DNAJC5B: variants seen among roughly 807,000 people sequenced by gnomAD.
DNAJC5B encodes dnaJ homolog subfamily C member 5B.
DNAJC5B carries 23 observed loss-of-function variants against 24.7 expected under a neutral mutation model. The ratio of observed to expected loss-of-function variants is 0.93; its 90% CI spans 0.67 to 1.32. DNAJC5B has a LOEUF of 1.32. DNAJC5B is among the 40% of genes most tolerant of loss of function. The pLI, the probability that DNAJC5B is intolerant of heterozygous loss-of-function variation, is 0.00. For missense variants in DNAJC5B, 238 were observed against 240.8 expected (o/e 0.99, Z 0.08); for synonymous variants, 101 against 90.1 (o/e 1.12, Z -0.68).
intron 1 of DNAJC5B, among the ~76,000 whole-genome samples, chr8:66,032,357 G>A (rs1806377741): frequency 6.6e-6 from 1 of 152,268 alleles, no homozygotes; most frequent in Non-Finnish European, 1.5e-5. Flanking sequence ...GCCTGGAGAA[G>A]GCTCCCCTTT....
chr8:66,031,470 C>A (rs1472691447), intron 1 of DNAJC5B, among the ~76,000 whole-genome samples: 2 of 152,014 alleles, frequency 1.3e-5, no homozygotes, highest in African/African-American at 4.8e-5. Flanking sequence ...TTTTAAGCAC[C>A]TACTGTATTA....
intron 3 of DNAJC5B, among the ~76,000 whole-genome samples, chr8:66,052,067 C>T (rs184790762): frequency 1.1e-4 from 17 of 151,706 alleles, no homozygotes; most frequent in African/African-American, 3.6e-4. Flanking sequence ...CAGATTCAAG[C>T]GATTCTCTGC....
At chr8:66,027,374 GA>G (rs1806268614) in intron 1 of DNAJC5B, among the ~76,000 whole-genome samples, 1 of 152,162 alleles carries the variant, frequency 6.6e-6, no homozygotes, top group Non-Finnish European at 1.5e-5. Flanking sequence ...TCTGCCTGGG[GA>G]AAATGTTACG....
intron 2 of DNAJC5B, among the ~76,000 whole-genome samples, chr8:66,048,615 T>G (rs567756620): frequency 7.9e-5 from 12 of 152,034 alleles, no homozygotes; most frequent in Non-Finnish European, 1.6e-4. Flanking sequence ...AATCAAAATT[T>G]CCTCCCTCGT....
rs540102698 is a variant in DNAJC5B at position 66,037,495 on chromosome 8, A to G, written c.-141-5993A>G. On this transcript the variant is annotated intron_variant, in intron 1 of 5. Transcript: ENST00000276570. ...AGCAGAGGGAGATGCTACCAGCACC[A>G]TCTCCTGTCTAATCGTGAGTGTCTG... Among the ~76,000 whole-genome samples the G allele has an allele frequency of 2.0e-5, 3 of 152,196 alleles. No individual in the cohort carries two copies. In the East Asian group the frequency reaches 5.8e-4, roughly 29 times the overall value.
chr8:66,092,590 A>T (rs1396481024), intron 5 of DNAJC5B, among the ~76,000 whole-genome samples: 4 of 152,164 alleles, frequency 2.6e-5, no homozygotes, highest in Non-Finnish European at 5.9e-5. Flanking sequence ...AAAGAATGTT[A>T]CCATCACCTT....
Position 66,045,676 on chromosome 8 carries a change from C to T in DNAJC5B, c.-18+2065C>T, listed in dbSNP as rs549565905. On this transcript the variant is annotated intron_variant, in intron 2 of 5. Transcript: ENST00000276570. ...ACTGTTCTCTGGAAGGGGCTGGGAG[C>T]AGCCCCTGCCTGAGCCCATTTCTCT... Among the ~76,000 whole-genome samples the T allele has an allele frequency of 6.6e-5, 10 of 152,182 alleles. No homozygotes were observed. The East Asian group carries it at 1.9e-3, about 29-fold the overall frequency.
At chr8:66,044,399 C>G (rs1806681235) in intron 2 of DNAJC5B, among the ~76,000 whole-genome samples, 1 of 152,172 alleles carries the variant, frequency 6.6e-6, no homozygotes. Flanking sequence ...TGAAGGGACC[C>G]TGCCAAGAAA....
At chr8:66,061,519 A>G (rs1346055046) in intron 3 of DNAJC5B, among the ~76,000 whole-genome samples, 1 of 151,908 alleles carries the variant, frequency 6.6e-6, no homozygotes, top group Non-Finnish European at 1.5e-5. Context: ...GCAGTTTCCA[A>G]ACTCAGCTAG....
chr8:66,053,968 T>C (rs1296214179), intron 3 of DNAJC5B, among the ~76,000 whole-genome samples: 1 of 150,830 alleles, frequency 6.6e-6, no homozygotes, highest in Non-Finnish European at 1.5e-5. Context: ...GGTCTTATCA[T>C]GAAAATATCT....
At chr8:66,039,725 T>A (rs930856746) in intron 1 of DNAJC5B, among the ~76,000 whole-genome samples, 3 of 152,176 alleles carry the variant, frequency 2.0e-5, no homozygotes, top group Admixed American at 6.5e-5. Context: ...ATCATCATCA[T>A]CACTGCCTCT....
At chr8:66,031,590 A>G (rs762106638) in intron 1 of DNAJC5B, among the ~76,000 whole-genome samples, 16 of 152,196 alleles carry the variant, frequency 1.1e-4, no homozygotes, top group Non-Finnish European at 1.9e-4. Flanking sequence ...CCATGTGGGT[A>G]TGGAGGCTGA....
chr8:66,023,006 TA>T (rs1318370284), intron 1 of DNAJC5B, among the ~76,000 whole-genome samples: 15 of 152,356 alleles, frequency 9.8e-5, no homozygotes, highest in Non-Finnish European at 1.9e-4. Flanking sequence ...TTGTTGACTG[TA>T]ACGTTCCCTG....
chr8:66,048,828 C>T (rs35451608), intron 2 of DNAJC5B, among the ~76,000 whole-genome samples: 2,231 of 152,276 alleles, frequency 0.015, 19 homozygotes, highest in Middle Eastern at 0.024. Context: ...TTCTGCGAGG[C>T]CATCCCCTCC....
chr8:66,082,945 C>T (rs1431762647), intron 5 of DNAJC5B, among the ~76,000 whole-genome samples: 1 of 151,624 alleles, frequency 6.6e-6, no homozygotes, highest in Non-Finnish European at 1.5e-5. Context: ...GCTGCACATC[C>T]ATTGATTGCT....
chr8:66,037,504 C>G (rs1305572430), intron 1 of DNAJC5B, among the ~76,000 whole-genome samples: 1 of 152,134 alleles, frequency 6.6e-6, no homozygotes, highest in Non-Finnish European at 1.5e-5. Context: ...CATCTCCTGT[C>G]TAATCGTGAG....
At chr8:66,047,144 G>A (rs1359085966) in intron 2 of DNAJC5B, among the ~76,000 whole-genome samples, 1 of 152,222 alleles carries the variant, frequency 6.6e-6, no homozygotes, top group African/African-American at 2.4e-5. Flanking sequence ...ACCAAAAGGA[G>A]ACTTGACAGC....
chr8:66,023,192 C>A (rs1324921912), intron 1 of DNAJC5B, among the ~76,000 whole-genome samples: 1 of 152,140 alleles, frequency 6.6e-6, no homozygotes, highest in Admixed American at 6.5e-5. Context: ...AGTTTAAGCC[C>A]CCTCACTCTT....
At chr8:66,042,931 G>T (rs908405664) in intron 1 of DNAJC5B, among the ~76,000 whole-genome samples, 17 of 151,992 alleles carry the variant, frequency 1.1e-4, no homozygotes, top group African/African-American at 4.1e-4. Context: ...ACCCCACTGT[G>T]CCAAATTCAG....
Sources: gnomAD v4.1 joint callset for allele counts (sites outside exome capture counted in the v4.1 genomes callset) on GRCh38, gnomAD v4.1.1 for gene constraint, MANE v1.5 for transcripts, NCBI Gene and HGNC (gene_info 2026-07-23, HGNC 2026-07-21) for gene names.